ZNF277: variants seen among roughly 807,000 people sequenced by gnomAD.
The protein encoded by ZNF277 is nuclear receptor-interacting factor 4.
A neutral mutation model predicts 60.7 loss-of-function variants in ZNF277; 55 were observed. The ratio of observed to expected loss-of-function variants is 0.91; its 90% CI spans 0.73 to 1.13. The LOEUF is 1.13. Among genes scored for constraint, ZNF277 ranks in the 50% most tolerant of loss-of-function variants. The pLI is 0.00. For synonymous variants in ZNF277, 178 were observed against 179.3 expected (o/e 0.99, Z 0.06); for missense variants, 510 against 523.0 (o/e 0.98, Z 0.24).
At chr7:112,276,453 A>G (rs1237640281) in intron 1 of ZNF277, among the ~76,000 whole-genome samples, 6 of 152,214 alleles carry the variant, frequency 3.9e-5, no homozygotes, top group African/African-American at 1.4e-4. Flanking sequence ...AGTTTTCTTT[A>G]TAGAATGAGA....
chr7:112,255,755 T>C (rs984204364), intron 1 of ZNF277, among the ~76,000 whole-genome samples: 1 of 152,204 alleles, frequency 6.6e-6, no homozygotes, highest in African/African-American at 2.4e-5. Context: ...ATTGCTTCCT[T>C]ATTGGAGTCA....
intron 4 of ZNF277, among the ~76,000 whole-genome samples, chr7:112,317,598 T>C (rs1792870573): frequency 6.6e-6 from 1 of 152,126 alleles, no homozygotes; most frequent in East Asian, 1.9e-4. Flanking sequence ...TTAAATTATT[T>C]GAGTTGAGAT....
At chr7:112,219,607 T>A (rs1821974015) in intron 1 of ZNF277, among the ~76,000 whole-genome samples, 1 of 152,102 alleles carries the variant, frequency 6.6e-6, no homozygotes, top group South Asian at 2.1e-4. Context: ...GTACCTGGAT[T>A]TTTGGATTTT....
At chr7:112,308,675 T>G (rs963276205) in intron 4 of ZNF277, among the ~76,000 whole-genome samples, 2 of 152,140 alleles carry the variant, frequency 1.3e-5, no homozygotes, top group Admixed American at 1.3e-4. Context: ...TGACTTTTCA[T>G]GCAAGTTCTA....
chr7:112,261,734 A>G (rs948432349), intron 1 of ZNF277, among the ~76,000 whole-genome samples: 1 of 152,086 alleles, frequency 6.6e-6, no homozygotes, highest in African/African-American at 2.4e-5. Context: ...AAAAGACACC[A>G]TTGCTCATTT....
chr7:112,253,304 T>C (rs1216594042), intron 1 of ZNF277, among the ~76,000 whole-genome samples: 1 of 152,196 alleles, frequency 6.6e-6, no homozygotes, highest in Non-Finnish European at 1.5e-5. Flanking sequence ...TGGAGAAACT[T>C]CCATGGAGAT....
Position 112,310,478 on chromosome 7 carries a change from A to AGAGT in ZNF277, c.466-7703_466-7702insAGTG, listed in dbSNP as rs762824873. On this transcript the variant is annotated intron_variant, in intron 4 of 11. Coordinates refer to ENST00000361822, the MANE Select transcript of ZNF277 (RefSeq NM_021994.3). ...TTGAGAGAGAGAGAGAGAGAGAGAG[A>AGAGT]GTGTGTGTGTGTGTATGTATTTTAT... Among the ~76,000 whole-genome samples, 97 of 125,556 alleles carry AGAGT rather than the reference A, an allele frequency of 7.7e-4. 3 individuals are homozygous for AGAGT. Among genetic ancestry groups the AGAGT allele is most frequent in the African/African-American group, 3.6e-3 (92 of 25,814 alleles). The allele number at this position is 125,556 out of a possible 152,430, so 82.4% of individuals were successfully genotyped here. A position where few individuals can be genotyped will look rare whatever the true frequency, so the allele number is the denominator to read the frequency against.
Position 112,230,988 on chromosome 7 carries a change from G to A in ZNF277, c.91+24181G>A, listed in dbSNP as rs185461539. 3.6e-3 allele frequency among the ~76,000 whole-genome samples: 547 copies of A among 152,232 alleles called. 1 individual carries two copies. The highest frequency in any genetic ancestry group is 0.027 in the Middle Eastern group (8 of 294). On this transcript the variant is annotated intron_variant, in intron 1 of 11. Transcript: ENST00000361822. ...CCAGCACTTTGGGAGGCGAAGGTGG[G>A]CAGATCACGAGGTCAGGAGTTCAAG...
At chr7:112,314,223 C>G (rs1206187303) in intron 4 of ZNF277, among the ~76,000 whole-genome samples, 1 of 152,044 alleles carries the variant, frequency 6.6e-6, no homozygotes, top group Non-Finnish European at 1.5e-5. Context: ...GCTACTTCGT[C>G]ACAAAAACAG....
intron 4 of ZNF277, among the ~76,000 whole-genome samples, chr7:112,300,113 G>A (rs1205228371): frequency 2.0e-5 from 3 of 152,158 alleles, no homozygotes; most frequent in African/African-American, 7.2e-5. Flanking sequence ...TTCTGTGTGA[G>A]TGGCTGGAGG....
intron 1 of ZNF277, 110 bp from the exon 2 acceptor site, chr7:112,286,763 A>T: frequency 1.1e-6 from 1 of 914,600 alleles, no homozygotes; most frequent in Non-Finnish European, 1.6e-6. Context: ...GGAGACATGT[A>T]AATATCTTTA....
At position 112,320,243 on chromosome 7, in the gene ZNF277, A is replaced by G. The variant is rs185482906; in HGVS notation, c.557+1970A>G. On this transcript the variant is annotated intron_variant, in intron 5 of 11. Transcript: ENST00000361822. Reference sequence around the variant, plus strand: ...CTAGTCTAACTTATCTGCATTCTGTATTGAGTAGGGTCACATAGGAATTAC... The same window carrying G: ...CTAGTCTAACTTATCTGCATTCTGTGTTGAGTAGGGTCACATAGGAATTAC... 5.3e-5 allele frequency among the ~76,000 whole-genome samples: 8 copies of G among 152,260 alleles called. No individual in the cohort carries two copies. The East Asian group carries it at 5.8e-4, about 11-fold the overall frequency.
chr7:112,279,407 G>A (rs974382039), intron 1 of ZNF277, among the ~76,000 whole-genome samples: 1 of 152,118 alleles, frequency 6.6e-6, no homozygotes, highest in African/African-American at 2.4e-5. Flanking sequence ...TAGGAGGTAC[G>A]AGATGATATC....
At chr7:112,316,243 A>G (rs1432934420) in intron 4 of ZNF277, among the ~76,000 whole-genome samples, 1 of 152,078 alleles carries the variant, frequency 6.6e-6, no homozygotes, top group African/African-American at 2.4e-5. Context: ...AATAGAATAT[A>G]TTAATGGGGA....
chr7:112,229,730 A>G (rs766707033), intron 1 of ZNF277, among the ~76,000 whole-genome samples: 13 of 152,262 alleles, frequency 8.5e-5, no homozygotes, highest in Non-Finnish European at 1.2e-4. Flanking sequence ...GAAGGAGCCA[A>G]TGTCTAGTAG....
intron 4 of ZNF277, among the ~76,000 whole-genome samples, chr7:112,314,106 C>G (rs1792789610): frequency 6.6e-6 from 1 of 152,050 alleles, no homozygotes; most frequent in Non-Finnish European, 1.5e-5. Flanking sequence ...AATACAAAAA[C>G]AGTCTGGGAA....
rs6974029 is a variant in ZNF277 at position 112,232,261 on chromosome 7, A to G, written c.91+25454A>G. On this transcript the variant is annotated intron_variant, in intron 1 of 11. Transcript: ENST00000361822. ...ACAAACAGAAAGTGAATTGCAAGGA[A>G]AAGAAGCAAGGTACCAACTAGACAA... Among the ~76,000 whole-genome samples the G allele has an allele frequency of 7.6e-3, 1,149 of 152,116 alleles. 11 individuals carry two copies. Among genetic ancestry groups the G allele is most frequent in the African/African-American group, 0.026 (1,075 of 41,460 alleles).
intron 1 of ZNF277, among the ~76,000 whole-genome samples, chr7:112,262,211 A>G (rs1052513094): frequency 1.4e-5 from 2 of 147,938 alleles, no homozygotes; most frequent in African/African-American, 2.5e-5. Context: ...TTCATGCCCT[A>G]TCTTCCAAAT....
chr7:112,339,570 C>T (rs1384998651), intron 9 of ZNF277, among the ~76,000 whole-genome samples: 2 of 152,190 alleles, frequency 1.3e-5, no homozygotes, highest in South Asian at 4.1e-4. Context: ...CCGCCCACCT[C>T]GGTCTCCCAA....
Sources: allele counts gnomAD v4.1 joint callset (sites outside exome capture counted in the v4.1 genomes callset), GRCh38; gene constraint gnomAD v4.1.1; transcripts MANE v1.5; gene names NCBI Gene and HGNC (gene_info 2026-07-23, HGNC 2026-07-21).